Variants in SNX14 observed in about 807,000 individuals in gnomAD.
The protein encoded by SNX14 is sorting nexin 14.
SNX14 carries 93 observed loss-of-function variants against 133.8 expected under a neutral mutation model. The observed-to-expected ratio is 0.70, with a 90% CI of 0.59 to 0.83. The LOEUF (loss-of-function observed/expected upper bound fraction) is 0.83, where lower values mean the gene tolerates loss of function less well. Among genes scored for constraint, SNX14 ranks in the 40% least tolerant of loss-of-function variants. SNX14 has a pLI of 0.00. For missense variants in SNX14, 945 were observed against 1,094.9 expected, an observed-to-expected ratio of 0.86 and a Z score of 1.93; for synonymous variants, 368 against 365.6, an observed-to-expected ratio of 1.01 and a Z score of -0.07.
At chr6:85,576,461 C>A (rs1427295688) in intron 1 of SNX14, among the ~76,000 whole-genome samples, 1 of 152,126 alleles carries the variant, frequency 6.6e-6, no homozygotes, top group Admixed American at 6.5e-5. Flanking sequence ...GGATGGACAC[C>A]ATCTGAGACA....
intron 16 of SNX14, among the ~76,000 whole-genome samples, chr6:85,537,952 G>C (rs1454606346): frequency 6.6e-6 from 1 of 152,012 alleles, no homozygotes; most frequent in Non-Finnish European, 1.5e-5. Context: ...ATAAAATAAA[G>C]TCACGTTCAC....
Position 85,558,687 on chromosome 6 carries a change from C to T in SNX14, c.550-627G>A, listed in dbSNP as rs376723183. On this transcript the variant is annotated intron_variant, in intron 6 of 28. Transcript: ENST00000314673. ...CCATGTTGCCCAGGCTGGTCTCCAA[C>T]ACCTGGACTCAAGTAATCCACCCAC... 5.9e-5 allele frequency among the ~76,000 whole-genome samples: 9 copies of T among 152,236 alleles called. No homozygotes were observed. The East Asian group carries it at 1.7e-3, about 29-fold the overall frequency.
In SNX14 at chr6:85,518,041, A is replaced by C. The variant is rs776253312; in HGVS notation, c.2115T>G (p.Ile705Met). ...TTAGTTTTCCAGGAACAGATTTTAT[A>C]ATTTTCCCTGCAATTAAAAGTAAAA... ...KILPDVNLGK[I>M]IKSVPGKLMK... is the part of the protein sequence containing the mutation. Residue 705 changes from isoleucine (I) to methionine (M), a missense_variant, in exon 22 of 29, where the codon ATT (isoleucine) becomes ATG (methionine). Ile to Met is a conservative substitution (Grantham distance 10). Around this residue, in one of 3 missense-constraint regions of SNX14, gnomAD observed 412 missense variants for 516.6 expected, o/e 0.80. Transcript: ENST00000314673. 6.2e-7 allele frequency: 1 copy of C among 1,605,608 alleles called. No individual in the cohort carries two copies. Among genetic ancestry groups the C allele is most frequent in the East Asian group, 2.2e-5 (1 of 44,638 alleles).
intron 21 of SNX14, among the ~76,000 whole-genome samples, chr6:85,523,150 C>A (rs1777432041): frequency 6.6e-6 from 1 of 152,066 alleles, no homozygotes. Context: ...AGAAATAATA[C>A]CGGTAAGTTA....
intron 27 of SNX14, among the ~76,000 whole-genome samples, chr6:85,507,613 G>A (rs1026438151): frequency 6.6e-5 from 10 of 151,964 alleles, no homozygotes; most frequent in African/African-American, 1.2e-4. Flanking sequence ...AATATATAAA[G>A]CTTATACATA....
At chr6:85,548,232 A>G (rs1786410669) in intron 9 of SNX14, 69 bp downstream of exon 9, 1 of 1,147,234 alleles carries the variant, frequency 8.7e-7, no homozygotes, top group Non-Finnish European at 1.3e-6. Flanking sequence ...ATACATAAAA[A>G]TGTTTAAGAT....
chr6:85,567,351 CA>C lies in SNX14; in HGVS notation c.461+182del, dbSNP rs11342876. ...GTTACTAGTATCTAATGGGAGAGGT[CA>C]GGGGTGCTAATTATCATGTAATGCA... On this transcript the variant is annotated intron_variant, in intron 5 of 28. Transcript: ENST00000314673. Among the ~76,000 whole-genome samples, 12,498 of 152,112 alleles carry C rather than the reference CA, an allele frequency of 0.082. 835 individuals are homozygous for C. Among genetic ancestry groups the C allele is most frequent in the East Asian group, 0.22 (1,113 of 5,174 alleles).
chr6:85,578,658 C>T (rs1270166613), intron 1 of SNX14, among the ~76,000 whole-genome samples: 1 of 152,142 alleles, frequency 6.6e-6, no homozygotes, highest in Non-Finnish European at 1.5e-5. Context: ...ACTGATGGAC[C>T]AAGCTATCTG....
At chr6:85,523,828 A>G (rs1435464407) in intron 21 of SNX14, among the ~76,000 whole-genome samples, 1 of 152,186 alleles carries the variant, frequency 6.6e-6, no homozygotes, top group Non-Finnish European at 1.5e-5. Context: ...TAAAATTTCA[A>G]GCATGGCTGA....
Position 85,593,605 on chromosome 6 carries a change from G to A in SNX14, c.114C>T (p.Leu38=). ...YPLFCFLLLC[L]SAASLLLNRY... is the part of the protein sequence containing the mutation. ...TGTTAAGAAGCAGGGAGGCGGCGCT[G>A]AGACAGAGCAGCAGGAAGCAGAACA... The change falls in exon 1 of 29, where the codon CTC becomes CTT. Residue 38 remains leucine (L), a synonymous_variant. Coordinates refer to ENST00000314673, the MANE Select transcript of SNX14 (RefSeq NM_153816.6). The A allele has an allele frequency of 6.2e-7, 1 of 1,613,098 alleles. No homozygotes were observed. The highest frequency in any genetic ancestry group is 1.1e-5 in the South Asian group (1 of 90,922).
intron 18 of SNX14, among the ~76,000 whole-genome samples, chr6:85,532,955 C>T (rs1307776103): frequency 6.6e-6 from 1 of 152,056 alleles, no homozygotes; most frequent in African/African-American, 2.4e-5. Context: ...CACACGATCT[C>T]GACTCACTGC....
intron 1 of SNX14, among the ~76,000 whole-genome samples, chr6:85,574,649 C>T (rs1479593946): frequency 6.6e-6 from 1 of 152,154 alleles, no homozygotes; most frequent in Non-Finnish European, 1.5e-5. Flanking sequence ...CTACATTCTT[C>T]CAGAATACCT....
At chr6:85,533,018 C>G (rs537322762) in intron 18 of SNX14, among the ~76,000 whole-genome samples, 4 of 152,176 alleles carry the variant, frequency 2.6e-5, no homozygotes, top group African/African-American at 9.6e-5. Context: ...TCCAGAGTAG[C>G]CGGGACTACA....
intron 1 of SNX14, among the ~76,000 whole-genome samples, chr6:85,590,411 GT>G (rs1185801712): frequency 6.6e-6 from 1 of 152,090 alleles, no homozygotes; most frequent in Non-Finnish European, 1.5e-5. Context: ...TCTGCCTATG[GT>G]GTAGCCATTC....
rs2127989887 is a variant in SNX14 at position 85,530,254 on chromosome 6, C to G, written c.1832G>C (p.Trp611Ser). ...RRAVGHEPEH[W>S]SVYRRYLEFY... ...TTCAAGATATCTTCTATAGACAGACCAATGTTCAGGCTCGTGTCCAACTGT... is the reference window on the plus strand; with the variant it reads ...TTCAAGATATCTTCTATAGACAGACGAATGTTCAGGCTCGTGTCCAACTGT... Residue 611 changes from tryptophan to serine, a missense_variant, in exon 19 of 29, where the codon TGG (tryptophan) becomes TCG (serine). Coordinates refer to ENST00000314673, the MANE Select transcript of SNX14 (RefSeq NM_153816.6). 6.2e-7 allele frequency: 1 copy of G among 1,600,150 alleles called. No individual in the cohort carries two copies. Among genetic ancestry groups the G allele is most frequent in the African/African-American group, 1.3e-5 (1 of 74,168 alleles).
chr6:85,548,604 C>T (rs1318169946), intron 8 of SNX14, among the ~76,000 whole-genome samples: 1 of 152,028 alleles, frequency 6.6e-6, no homozygotes, highest in East Asian at 1.9e-4. Context: ...TCTTACTTGG[C>T]TAAAATAGAA....
At chr6:85,563,294 C>A (rs1167297896) in intron 6 of SNX14, among the ~76,000 whole-genome samples, 1 of 152,048 alleles carries the variant, frequency 6.6e-6, no homozygotes, top group South Asian at 2.1e-4. Flanking sequence ...ACTGAACTGA[C>A]AAAGCAGTAG....
chr6:85,530,504 G>C lies in SNX14; in HGVS notation c.1811-229C>G, dbSNP rs71570764. On this transcript the variant is annotated intron_variant, in intron 18 of 28. Coordinates refer to ENST00000314673, the MANE Select transcript of SNX14 (RefSeq NM_153816.6). ...TACTAAAAATACAAAAATTAGCCAGGTGTGGTGGCAGGCACCTGTAGTCCC... is the reference window on the plus strand; with the variant it reads ...TACTAAAAATACAAAAATTAGCCAGCTGTGGTGGCAGGCACCTGTAGTCCC... Among the ~76,000 whole-genome samples the C allele has an allele frequency of 0.082, 12,510 of 151,982 alleles. 834 individuals carry two copies. The highest frequency in any genetic ancestry group is 0.22 in the East Asian group (1,124 of 5,168).
rs188481261 is a variant in SNX14, at chr6:85,564,856, G to T, written c.549+476C>A. Among the ~76,000 whole-genome samples the T allele has an allele frequency of 2.8e-3, 422 of 152,050 alleles. 3 individuals are homozygous for T. Among genetic ancestry groups the T allele is most frequent in the Non-Finnish European group, 3.8e-3 (258 of 67,982 alleles). Reference sequence around the variant, plus strand: ...TACAAAAAATTAGCCGGGCGTGGTGGCATATTCCTGTAGTCCCAGCTACTC... The same window carrying T: ...TACAAAAAATTAGCCGGGCGTGGTGTCATATTCCTGTAGTCCCAGCTACTC... On this transcript the variant is annotated intron_variant, in intron 6 of 28. Transcript: ENST00000314673.
Sources: gnomAD v4.1 joint callset for allele counts (sites outside exome capture counted in the v4.1 genomes callset) on GRCh38, gnomAD v4.1.1 for gene constraint, gnomAD v4.1.1 regional missense constraint, MANE v1.5 for transcripts, NCBI Gene and HGNC (gene_info 2026-07-23, HGNC 2026-07-21) for gene names.